SRPRA: variants seen among roughly 807,000 people sequenced by gnomAD.
SRPRA encodes SRP receptor subunit alpha.
SRPRA carries 30 observed loss-of-function variants against 61.1 expected under a neutral mutation model. That is an observed-to-expected ratio of 0.49 (90% CI 0.37 to 0.67). SRPRA has a LOEUF of 0.67. SRPRA is among the 30% of genes least tolerant of loss of function. SRPRA has a pLI of 0.00. For synonymous variants in SRPRA, 324 were observed against 299.7 expected, an observed-to-expected ratio of 1.08 and a Z score of -0.84; for missense variants, 759 against 828.4, an observed-to-expected ratio of 0.92 and a Z score of 1.03.
the SRPRA span, among the ~76,000 whole-genome samples, chr11:126,236,211 T>G: frequency 6.6e-6 from 1 of 152,240 alleles, no homozygotes; most frequent in Non-Finnish European, 1.5e-5. Flanking sequence ...TCCTCTTTTT[T>G]GGTGCACGCC....
At position 126,266,805 on chromosome 11, in the gene SRPRA, T is replaced by G. The variant is rs1376611581; in HGVS notation, c.644A>C (p.Glu215Ala). 1.2e-6 allele frequency: 2 copies of G among 1,614,058 alleles called. No homozygotes were observed. The highest frequency in any genetic ancestry group is 1.6e-4 in the Middle Eastern group (1 of 6,084). Residue 215 changes from glutamate (E) to alanine (A), a missense_variant, in exon 5 of 14, where the codon GAG becomes GCG. Physicochemically the swap from Glu to Ala is moderately radical, Grantham distance 107 (BLOSUM62 -1). Around this residue, in one of 2 missense-constraint regions of SRPRA, gnomAD observed 475 missense variants for 462.5 expected, o/e 1.03. Coordinates refer to ENST00000332118, the MANE Select transcript of SRPRA (RefSeq NM_003139.4). ...CCTCCCATGCTTCTGAATGAACTCC[T>G]CGCGCTTCCTGCGGATCAGCTCCTC... is the stretch of plus-strand genomic sequence containing the variant. ...SKEELIRRKREEFIQKHGRGM... is the reference protein window; with the variant it reads ...SKEELIRRKRAEFIQKHGRGM...
At chr11:126,248,331 A>AAGTATC in the SRPRA span, among the ~76,000 whole-genome samples, 1 of 143,842 alleles carries the variant, frequency 7.0e-6, no homozygotes, top group Non-Finnish European at 1.5e-5. Flanking sequence ...AAATCTAAAA[A>AAGTATC]AGTATCTGAC....
chr11:126,248,885 A>G, the SRPRA span, among the ~76,000 whole-genome samples: 3 of 152,202 alleles, frequency 2.0e-5, no homozygotes, highest in Non-Finnish European at 4.4e-5. Context: ...CAGGCTAGGG[A>G]TCAGATATTA....
Position 126,265,216 on chromosome 11 carries a change from G to T in SRPRA, c.1312-44C>A, listed in dbSNP as rs969306415. On this transcript the variant is annotated intron_variant, in intron 10 of 13. Transcript: ENST00000332118. This position sits in a 1 kb window ranked among gnomAD's most constrained non-coding sequence, Gnocchi z 6.3. ...AAAAGTCACCTAAAGCCAGGATTTT[G>T]AGACACAAGAAGTACAGAAATATCA... 2.8e-5 allele frequency: 45 copies of T among 1,613,738 alleles called. No homozygotes were observed. The highest frequency in any genetic ancestry group is 3.6e-5 in the Non-Finnish European group (42 of 1,179,830).
Position 126,267,399 on chromosome 11 carries a change from G to T in SRPRA, c.366-64C>A, listed in dbSNP as rs556762239. On this transcript the variant is annotated intron_variant, in intron 3 of 13. Coordinates refer to ENST00000332118, the MANE Select transcript of SRPRA (RefSeq NM_003139.4). This position sits in a 1 kb window ranked among gnomAD's most constrained non-coding sequence, Gnocchi z 4.2. ...GCAGAAGGAAAAATAACGGTCCAGAGAAAGGACTCTCACACCCAAGAGGAC... is the reference window on the plus strand; with the variant it reads ...GCAGAAGGAAAAATAACGGTCCAGATAAAGGACTCTCACACCCAAGAGGAC... The T allele has an allele frequency of 3.1e-6, 5 of 1,599,966 alleles. No homozygotes were observed. In the African/African-American group the frequency reaches 6.7e-5, roughly 22 times the overall value.
At chr11:126,240,690 C>CTA in the SRPRA span, 3 of 1,233,626 alleles carry the variant, frequency 2.4e-6, no homozygotes, top group Non-Finnish European at 3.3e-6. Flanking sequence ...TTCTTTGCAA[C>CTA]TATAAAAGTT....
chr11:126,268,296 A>C (rs1413572093), intron 1 of SRPRA, among the ~76,000 whole-genome samples: 1 of 152,228 alleles, frequency 6.6e-6, no homozygotes, highest in Non-Finnish European at 1.5e-5. Flanking sequence ...AGAGAGCAAG[A>C]CACATGGGAG....
chr11:126,238,031 T>G, the SRPRA span, among the ~76,000 whole-genome samples: 4 of 152,040 alleles, frequency 2.6e-5, no homozygotes, highest in African/African-American at 9.7e-5. Context: ...AGGTGACCCT[T>G]GTTTGTCTGC....
downstream of SRPRA, chr11:126,262,381 C>G (rs1401521169): frequency 3.6e-6 from 2 of 561,190 alleles, no homozygotes; most frequent in Admixed American, 3.2e-5. Flanking sequence ...CAGCTCCCAA[C>G]CCACTCCCCA....
the SRPRA span, among the ~76,000 whole-genome samples, chr11:126,247,193 G>A: frequency 6.6e-6 from 1 of 152,140 alleles, no homozygotes; most frequent in African/African-American, 2.4e-5. Flanking sequence ...TTGGGAGACT[G>A]AGGCAGGAAG....
At chr11:126,261,352 CTTTAG>C (rs1401432546), downstream of SRPRA, 17 of 1,254,294 alleles carry the variant, frequency 1.4e-5, no homozygotes, top group Non-Finnish European at 2.0e-5. Flanking sequence ...CCTCATCTCC[CTTTAG>C]TTTTCTTTTT....
intron 1 of SRPRA, 110 bp from the exon 2 acceptor site, chr11:126,268,196 A>C: frequency 5.7e-6 from 5 of 873,304 alleles, no homozygotes; most frequent in Non-Finnish European, 9.2e-6. Flanking sequence ...CCAAACTCAA[A>C]TCTGTCCCCA....
At chr11:126,244,515 T>C in the SRPRA span, among the ~76,000 whole-genome samples, 1 of 152,162 alleles carries the variant, frequency 6.6e-6, no homozygotes, top group East Asian at 1.9e-4. The surrounding 1 kb of genome is among the most constrained non-coding windows in gnomAD (Gnocchi z 4.5). Flanking sequence ...ACGAAAGAAG[T>C]ACAGAAGGCT....
chr11:126,259,685 A>G (rs1413768048), downstream of SRPRA, among the ~76,000 whole-genome samples: 2 of 151,040 alleles, frequency 1.3e-5, no homozygotes, highest in Non-Finnish European at 1.5e-5. Context: ...CTGGCCTCCC[A>G]AAGTGCTGGG....
Position 126,264,665 on chromosome 11 carries a change from G to T in SRPRA, c.1526-126C>A. On this transcript the variant is annotated intron_variant, in intron 11 of 13. Coordinates refer to ENST00000332118, the MANE Select transcript of SRPRA (RefSeq NM_003139.4). The surrounding 1 kb of genome is among the most constrained non-coding windows in gnomAD (Gnocchi z 5.0). ...CTTGGGCTCTGGATTTGGTTCCAAGGTAATGTGAGAAAAACTTGATTATAT... is the reference window on the plus strand; with the variant it reads ...CTTGGGCTCTGGATTTGGTTCCAAGTTAATGTGAGAAAAACTTGATTATAT... 1 of 1,191,476 alleles carries T rather than the reference G, an allele frequency of 8.4e-7. No individual in the cohort carries two copies. Among genetic ancestry groups the T allele is most frequent in the African/African-American group, 1.5e-5 (1 of 65,064 alleles). The allele number at this position is 1,191,476 out of a possible 1,614,324, so 73.8% of individuals were successfully genotyped here.
the SRPRA span, among the ~76,000 whole-genome samples, chr11:126,245,669 G>T: frequency 6.6e-6 from 1 of 151,954 alleles, no homozygotes; most frequent in Non-Finnish European, 1.5e-5. Flanking sequence ...ACCTCAGCCT[G>T]GGCAACATAG....
At chr11:126,247,585 C>T in the SRPRA span, among the ~76,000 whole-genome samples, 2 of 152,004 alleles carry the variant, frequency 1.3e-5, no homozygotes, top group African/African-American at 2.4e-5. Flanking sequence ...TATTTGCCAG[C>T]GCGGTGGCTC....
Position 126,263,667 on chromosome 11 carries a change from G to A in SRPRA, c.*249C>T. ...TGAGTCTGTAGGCAGAGTGAAGGGG[G>A]TGCCTGAGTAGGAAGGGGGAGGCCC... On this transcript the variant is annotated 3_prime_UTR_variant, in exon 14 of 14. Coordinates refer to ENST00000332118, the MANE Select transcript of SRPRA (RefSeq NM_003139.4). 2.0e-6 allele frequency: 1 copy of A among 498,500 alleles called. No individual in the cohort carries two copies. The highest frequency in any genetic ancestry group is 2.4e-5 in the South Asian group (1 of 41,798). 30.9% of individuals were successfully genotyped at this position (498,500 alleles called of 1,614,324 possible).
At chr11:126,247,843 T>A in the SRPRA span, among the ~76,000 whole-genome samples, 2 of 133,596 alleles carry the variant, frequency 1.5e-5, no homozygotes, top group South Asian at 2.5e-4. Context: ...GGGTGACAGA[T>A]CGAGACTCCA....
Sources: gnomAD v4.1 joint callset for allele counts (sites outside exome capture counted in the v4.1 genomes callset) on GRCh38, gnomAD v4.1.1 for gene constraint, gnomAD v4.1.1 regional missense constraint, Gnocchi (gnomAD v3.1) non-coding constraint, MANE v1.5 for transcripts, NCBI Gene and HGNC (gene_info 2026-07-23, HGNC 2026-07-21) for gene names.